The following U2AF2 variants were observed in gnomAD, a reference collection of about 807,000 sequenced individuals.
The protein encoded by U2AF2 is U2 small nuclear RNA auxiliary factor 2, also known as splicing factor U2AF 65 kDa subunit.
Under a neutral mutation model 52.6 loss-of-function variants are expected in U2AF2, and 6 were observed. The ratio of observed to expected loss-of-function variants is 0.11; its 90% CI spans 0.06 to 0.23. The LOEUF is 0.23. Ranked by LOEUF, U2AF2 falls within the 10% of genes least tolerant of loss-of-function variation. The pLI is 1.00. For missense variants in U2AF2, 222 were observed against 677.1 expected (o/e 0.33, Z 7.46); for synonymous variants, 284 against 258.2 (o/e 1.10, Z -0.96).
chr19:55,673,815 C>G, intron 11 of U2AF2, 119 bp from the exon 12 acceptor site: 2 of 1,407,770 alleles, frequency 1.4e-6, no homozygotes, highest in Non-Finnish European at 1.9e-6. Context: ...CTTTCTGACA[C>G]CTGTGGCGAA....
At chr19:55,667,825 G>T (rs1023818816) in intron 7 of U2AF2, among the ~76,000 whole-genome samples, 1 of 150,382 alleles carries the variant, frequency 6.6e-6, no homozygotes, top group Non-Finnish European at 1.5e-5. Context: ...TCACTCTGTT[G>T]CTCAGGCTGG....
intron 4 of U2AF2, among the ~76,000 whole-genome samples, 188 bp downstream of exon 4, chr19:55,660,807 G>A (rs1245019546): frequency 2.6e-5 from 4 of 152,148 alleles, no homozygotes; most frequent in African/African-American, 9.7e-5. Context: ...AGACACCCGT[G>A]GTTGACAGGG....
intron 11 of U2AF2, 84 bp downstream of exon 11, chr19:55,669,776 A>T: frequency 6.9e-7 from 1 of 1,454,222 alleles, no homozygotes; most frequent in South Asian, 1.4e-5. Context: ...TTGCTCCCTC[A>T]CCCTCTCCCC....
intron 6 of U2AF2, 136 bp from the exon 7 acceptor site, chr19:55,663,470 A>T (rs1984348955): frequency 2.9e-6 from 4 of 1,362,612 alleles, no homozygotes. Context: ...TTGTACTCCC[A>T]GTGCCCAGCC....
At chr19:55,672,729 A>AT (rs74179629) in intron 11 of U2AF2, among the ~76,000 whole-genome samples, 24,206 of 141,258 alleles carry the variant, frequency 0.17, 2,673 homozygotes, top group African/African-American at 0.31. Context: ...TATCTCAAGA[A>AT]TTTTTTTTTT....
At chr19:55,664,786 C>T (rs368985760) in intron 7 of U2AF2, among the ~76,000 whole-genome samples, 1 of 152,130 alleles carries the variant, frequency 6.6e-6, no homozygotes, top group Non-Finnish European at 1.5e-5. Flanking sequence ...GGCACGATCT[C>T]GGCTTACTGC....
At chr19:55,663,890 C>T in intron 7 of U2AF2, 146 bp downstream of exon 7, 2 of 1,228,190 alleles carry the variant, frequency 1.6e-6, no homozygotes, top group Non-Finnish European at 2.2e-6. Context: ...CCCTAAGTCT[C>T]TGTGAGTGGG....
rs144881183 is a variant in U2AF2, at chr19:55,658,339, C to T, written c.50-871C>T. On this transcript the variant is annotated intron_variant, in intron 1 of 11. Transcript: ENST00000308924. ...TGGTTTATCCTCCATCTTGAAGGGCCGGTCTCTCTTCAGGGGTTGAAGGGT... is the reference window on the plus strand; with the variant it reads ...TGGTTTATCCTCCATCTTGAAGGGCTGGTCTCTCTTCAGGGGTTGAAGGGT... 2.8e-3 allele frequency among the ~76,000 whole-genome samples: 411 copies of T among 144,794 alleles called. 4 individuals carry two copies. Among genetic ancestry groups the T allele is most frequent in the African/African-American group, 1.0e-2 (392 of 39,354 alleles). 95.0% of individuals were successfully genotyped at this position (144,794 alleles called of 152,430 possible). A position where few individuals can be genotyped will look rare whatever the true frequency, so the allele number is the denominator to read the frequency against.
chr19:55,670,018 T>C (rs1290827755), intron 11 of U2AF2, among the ~76,000 whole-genome samples: 1 of 152,156 alleles, frequency 6.6e-6, no homozygotes, highest in Admixed American at 6.5e-5. Context: ...ATGGCCTGGC[T>C]TGTGCAAATG....
chr19:55,661,518 AC>A (rs1984197133), intron 5 of U2AF2, among the ~76,000 whole-genome samples: 2 of 126,756 alleles, frequency 1.6e-5, no homozygotes. Flanking sequence ...ACACACACAC[AC>A]ACACACACAC....
At chr19:55,672,142 A>G (rs1984960641) in intron 11 of U2AF2, 1 of 152,078 alleles carries the variant, frequency 6.6e-6, no homozygotes, top group Non-Finnish European at 1.5e-5. Context: ...AAAAAAAAAA[A>G]AAAATTACTG....
chr19:55,660,937 A>C, intron 4 of U2AF2, 101 bp from the exon 5 acceptor site: 1 of 1,484,434 alleles, frequency 6.7e-7, no homozygotes, highest in African/African-American at 1.4e-5. Flanking sequence ...GAGAGCCTGT[A>C]GGAGCTTTCT....
rs763169535 is a variant in U2AF2 at position 55,659,039 on chromosome 19, C to T, written c.50-171C>T. 28 of 1,113,472 alleles carry T rather than the reference C, an allele frequency of 2.5e-5. No homozygotes were observed. The African/African-American group carries it at 2.9e-4, about 12-fold the overall frequency. The allele number at this position is 1,113,472 out of a possible 1,614,324, so 69.0% of individuals were successfully genotyped here. The stretch of plus-strand genomic sequence containing the variant: ...CGTCCCCCTGGTCCCCTCATGGTCC[C>T]TGGACTCGCTTGTGGACCCAGGAGG... On this transcript the variant is annotated intron_variant, in intron 1 of 11. Transcript: ENST00000308924.
chr19:55,663,846 G>C, intron 7 of U2AF2, 102 bp downstream of exon 7: 1 of 1,525,318 alleles, frequency 6.6e-7, no homozygotes, highest in Non-Finnish European at 8.9e-7. Flanking sequence ...AGTTGTGTAA[G>C]TACTGTGGAA....
intron 7 of U2AF2, among the ~76,000 whole-genome samples, chr19:55,666,153 G>A (rs1292175229): frequency 2.0e-5 from 3 of 152,240 alleles, no homozygotes; most frequent in Non-Finnish European, 4.4e-5. Context: ...GCAACCCAGT[G>A]ATAGTGGCTG....
At chr19:55,672,704 A>G (rs986493183) in intron 11 of U2AF2, among the ~76,000 whole-genome samples, 14 of 151,468 alleles carry the variant, frequency 9.2e-5, no homozygotes, top group Non-Finnish European at 1.9e-4. Context: ...TGCCTATTCC[A>G]TGTTCAAATT....
Position 55,668,880 on chromosome 19 carries a change from G to T in U2AF2, c.945+88G>T. The T allele has an allele frequency of 1.3e-6, 2 of 1,546,006 alleles. No homozygotes were observed. Among genetic ancestry groups the T allele is most frequent in the Non-Finnish European group, 1.7e-6 (2 of 1,144,156 alleles). The stretch of plus-strand genomic sequence containing the variant: ...CCATGGTCTCCCCTCCTCAGGGGAC[G>T]GGGCGGGAGGCGGCCAACCTGAGGC... On this transcript the variant is annotated intron_variant, in intron 9 of 11. Transcript: ENST00000308924. The surrounding 1 kb of genome is among the most constrained non-coding windows in gnomAD (Gnocchi z 5.5).
Position 55,674,696 on chromosome 19 carries a change from A to G in U2AF2, c.*628A>G, listed in dbSNP as rs1342337085. On this transcript the variant is annotated 3_prime_UTR_variant, in exon 12 of 12. Coordinates refer to ENST00000308924, the MANE Select transcript of U2AF2 (RefSeq NM_007279.3). ...GCTAAGACGAATTTGCTCATTAAAC[A>G]TTTTGTTGTATTTTACTTTATGGAG... The G allele has an allele frequency of 1.3e-5, 2 of 152,190 alleles. No individual in the cohort carries two copies. The highest frequency in any genetic ancestry group is 1.5e-5 in the Non-Finnish European group (1 of 68,066). 9.4% of individuals were successfully genotyped at this position (152,190 alleles called of 1,614,324 possible).
rs532007726 is a variant in U2AF2 at position 55,656,493 on chromosome 19, A to G, written c.49+1340A>G. Among the ~76,000 whole-genome samples, 15 of 151,064 alleles carry G rather than the reference A, an allele frequency of 9.9e-5. No homozygotes were observed. The South Asian group carries it at 2.3e-3, about 24-fold the overall frequency. ...TAGTAACTGCTTTTAATACGTTTAT[A>G]TATTTTTTTCCATTTGTAGACTGAT... On this transcript the variant is annotated intron_variant, in intron 1 of 11. Coordinates refer to ENST00000308924, the MANE Select transcript of U2AF2 (RefSeq NM_007279.3).
Sources: gnomAD v4.1 joint callset for allele counts (sites outside exome capture counted in the v4.1 genomes callset) on GRCh38, gnomAD v4.1.1 for gene constraint, Gnocchi (gnomAD v3.1) non-coding constraint, MANE v1.5 for transcripts, NCBI Gene and HGNC (gene_info 2026-07-23, HGNC 2026-07-21) for gene names.